FBXL7: variants seen among roughly 807,000 people sequenced by gnomAD.
FBXL7 encodes F-box/LRR-repeat protein 7.
Under a neutral mutation model 38.3 loss-of-function variants are expected in FBXL7, and 12 were observed. The ratio of observed to expected loss-of-function variants is 0.31; its 90% confidence interval spans 0.20 to 0.51. FBXL7 has a LOEUF of 0.51. Among genes scored for constraint, FBXL7 ranks in the 20% least tolerant of loss-of-function variants. The probability of loss-of-function intolerance (pLI) is 0.98; values close to 1 mark genes in which losing one functional copy is unlikely to be tolerated. For synonymous variants in FBXL7, 297 were observed against 300.9 expected (o/e 0.99, Z 0.13); for missense variants, 567 against 676.4 (o/e 0.84, Z 1.79).
At chr5:15,775,561 G>GATGGA (rs1736836679) in intron 2 of FBXL7, among the ~76,000 whole-genome samples, 2 of 152,092 alleles carry the variant, frequency 1.3e-5, no homozygotes, top group Non-Finnish European at 1.5e-5. Context: ...TTTTCTAAGG[G>GATGGA]ATGGAATGGA....
chr5:15,833,417 G>A (rs772006839), intron 2 of FBXL7, among the ~76,000 whole-genome samples: 1 of 152,074 alleles, frequency 6.6e-6, no homozygotes, highest in Non-Finnish European at 1.5e-5. Context: ...TACCATCACC[G>A]ATTAGTGATG....
intron 1 of FBXL7, among the ~76,000 whole-genome samples, chr5:15,546,671 C>A (rs907154754): frequency 3.9e-5 from 6 of 152,204 alleles, no homozygotes; most frequent in Admixed American, 1.3e-4. Flanking sequence ...GTGGAAGTTG[C>A]AGTGAGCTGA....
chr5:15,932,233 C>T (rs1440825760), intron 3 of FBXL7, among the ~76,000 whole-genome samples: 2 of 152,164 alleles, frequency 1.3e-5, no homozygotes, highest in African/African-American at 4.8e-5. Flanking sequence ...TGAGTTAAGA[C>T]ATGTTAAGTT....
chr5:15,556,736 T>C (rs1430295250), intron 1 of FBXL7, among the ~76,000 whole-genome samples: 1 of 152,188 alleles, frequency 6.6e-6, no homozygotes, highest in African/African-American at 2.4e-5. Flanking sequence ...AATCTCTCAA[T>C]AAATCATCAG....
At chr5:15,785,826 C>T (rs1196818653) in intron 2 of FBXL7, among the ~76,000 whole-genome samples, 1 of 152,254 alleles carries the variant, frequency 6.6e-6, no homozygotes, top group Non-Finnish European at 1.5e-5. Flanking sequence ...TCAGTTGCAT[C>T]TGGCACGCAT....
At position 15,823,556 on chromosome 5, in the gene FBXL7, G is replaced by C. The variant is rs58654819; in HGVS notation, c.128-104334G>C. 1.6e-3 allele frequency among the ~76,000 whole-genome samples: 250 copies of C among 152,258 alleles called. 1 individual carries two copies. Among genetic ancestry groups the C allele is most frequent in the Middle Eastern group, 0.01 (3 of 294 alleles). ...CAGTTTCATAAATTTTGAGATCTGT[G>C]AATGTGGTGCTGGTAGCCATTACTT... On this transcript the variant is annotated intron_variant, in intron 2 of 3. Transcript: ENST00000504595.
At chr5:15,555,370 GA>G (rs1561025684) in intron 1 of FBXL7, among the ~76,000 whole-genome samples, 1 of 152,160 alleles carries the variant, frequency 6.6e-6, no homozygotes, top group Non-Finnish European at 1.5e-5. Flanking sequence ...GGGTGTGTGG[GA>G]AGCAGGCATC....
intron 2 of FBXL7, among the ~76,000 whole-genome samples, chr5:15,927,065 C>T (rs1224269429): frequency 1.3e-5 from 2 of 151,890 alleles, no homozygotes. Flanking sequence ...TTGTGCCCTA[C>T]CGTAATCCCC....
intron 2 of FBXL7, among the ~76,000 whole-genome samples, chr5:15,839,292 T>C (rs1258583419): frequency 6.6e-6 from 1 of 152,140 alleles, no homozygotes; most frequent in East Asian, 1.9e-4. Context: ...TTTGTGTTCC[T>C]TTTAAAAATA....
chr5:15,706,678 G>GAAAAAACA (rs1161737623), intron 2 of FBXL7, among the ~76,000 whole-genome samples: 1 of 152,000 alleles, frequency 6.6e-6, no homozygotes, highest in Admixed American at 6.5e-5. Flanking sequence ...TTTGCTGTTG[G>GAAAAAACA]AAAAAACAAA....
chr5:15,674,268 G>A (rs1041295242), intron 2 of FBXL7, among the ~76,000 whole-genome samples: 2 of 152,212 alleles, frequency 1.3e-5, no homozygotes, highest in South Asian at 2.1e-4. Context: ...GTAGTTCACA[G>A]AACAGTTTAT....
In FBXL7 at chr5:15,938,382, A is replaced by T. The variant is rs1213664153; in HGVS notation, c.*1196A>T. The T allele has an allele frequency of 1.3e-5, 2 of 152,354 alleles. No homozygotes were observed. Among genetic ancestry groups the T allele is most frequent in the East Asian group, 3.9e-4 (2 of 5,190 alleles). The allele number at this position is 152,354 out of a possible 1,614,324, so 9.4% of individuals were successfully genotyped here. A position where few individuals can be genotyped will look rare whatever the true frequency, so the allele number is the denominator to read the frequency against. On this transcript the variant is annotated 3_prime_UTR_variant, in exon 4 of 4. Coordinates refer to ENST00000504595, the MANE Select transcript of FBXL7 (RefSeq NM_012304.5). ...CTTGCACACCTGGCATGCATCAGGC[A>T]CATCTGTCCTACAGCTGGCAGAGAC...
intron 1 of FBXL7, among the ~76,000 whole-genome samples, chr5:15,511,846 G>C (rs1269331727): frequency 6.6e-6 from 1 of 152,104 alleles, no homozygotes; most frequent in African/African-American, 2.4e-5. Flanking sequence ...GGTCCTTATT[G>C]GTCATCTCAA....
chr5:15,822,126 G>A (rs538109805), intron 2 of FBXL7, among the ~76,000 whole-genome samples: 1 of 151,570 alleles, frequency 6.6e-6, no homozygotes, highest in Admixed American at 6.6e-5. Flanking sequence ...GCTGAGTCAG[G>A]CGAATCACGA....
intron 2 of FBXL7, among the ~76,000 whole-genome samples, chr5:15,767,722 T>G (rs1736626600): frequency 6.6e-6 from 1 of 152,232 alleles, no homozygotes; most frequent in South Asian, 2.1e-4. Context: ...AATCTTTTAT[T>G]AGTAATATTT....
chr5:15,676,066 C>T (rs1313416312), intron 2 of FBXL7, among the ~76,000 whole-genome samples: 1 of 152,158 alleles, frequency 6.6e-6, no homozygotes, highest in African/African-American at 2.4e-5. Flanking sequence ...GTCCCGCTTC[C>T]TGGATCTCCT....
intron 2 of FBXL7, among the ~76,000 whole-genome samples, chr5:15,788,970 C>T (rs1407252219): frequency 6.6e-6 from 1 of 151,942 alleles, no homozygotes; most frequent in East Asian, 1.9e-4. Context: ...CCTGCCTCAG[C>T]CTCCAGAGTA....
chr5:15,773,476 T>G (rs997939272), intron 2 of FBXL7, among the ~76,000 whole-genome samples: 5 of 151,924 alleles, frequency 3.3e-5, no homozygotes, highest in African/African-American at 1.2e-4. Context: ...AAACCCCATC[T>G]CTACTAAATT....
intron 2 of FBXL7, among the ~76,000 whole-genome samples, chr5:15,826,538 C>A (rs1014408249): frequency 7.2e-5 from 11 of 152,134 alleles, no homozygotes; most frequent in Non-Finnish European, 1.6e-4. Context: ...TGTGCCTCAG[C>A]CTCTTGGGTA....
Sources: allele counts gnomAD v4.1 joint callset (sites outside exome capture counted in the v4.1 genomes callset), GRCh38; gene constraint gnomAD v4.1.1; transcripts MANE v1.5; gene names NCBI Gene and HGNC (gene_info 2026-07-23, HGNC 2026-07-21).